Variants in MYLK2 observed in about 807,000 individuals in gnomAD.
The protein encoded by MYLK2 is myosin light chain kinase 2, skeletal/cardiac muscle.
MYLK2 carries 27 observed loss-of-function variants against 58.2 expected under a neutral mutation model. The ratio of observed to expected loss-of-function variants is 0.46; its 90% confidence interval spans 0.34 to 0.64. MYLK2 has a LOEUF of 0.64. Among genes scored for constraint, MYLK2 ranks in the 30% least tolerant of loss-of-function variants. MYLK2 has a pLI of 0.01. For synonymous variants in MYLK2, 310 were observed against 296.7 expected (o/e 1.04, Z -0.46); for missense variants, 676 against 764.3 (o/e 0.88, Z 1.36).
At chr20:31,829,393 G>C (rs1257239652) in intron 8 of MYLK2, among the ~76,000 whole-genome samples, 9 of 151,352 alleles carry the variant, frequency 5.9e-5, no homozygotes, top group African/African-American at 2.2e-4. Flanking sequence ...GGAAATTTGA[G>C]TCTGCTTCAT....
At chr20:31,826,193 A>G (rs1392773184) in intron 6 of MYLK2, among the ~76,000 whole-genome samples, 1 of 152,222 alleles carries the variant, frequency 6.6e-6, no homozygotes, top group Admixed American at 6.5e-5. Flanking sequence ...TCTATTAGAC[A>G]ACTAAGGCAA....
chr20:31,833,489 T>C (rs1176819059), intron 12 of MYLK2, among the ~76,000 whole-genome samples: 1 of 151,640 alleles, frequency 6.6e-6, no homozygotes, highest in Non-Finnish European at 1.5e-5. Flanking sequence ...GCCATGGGAG[T>C]GTTTGGAGCA....
At position 31,823,997 on chromosome 20, in the gene MYLK2, C is replaced by T. The variant is rs115124478; in HGVS notation, c.879-262C>T. The T allele has an allele frequency of 2.8e-3, 2,711 of 984,730 alleles. 50 individuals are homozygous for T. The African/African-American group carries it at 0.045, about 16-fold the overall frequency. 61.0% of individuals were successfully genotyped at this position (984,730 alleles called of 1,614,324 possible). A position where few individuals can be genotyped will look rare whatever the true frequency, so the allele number is the denominator to read the frequency against. On this transcript the variant is annotated intron_variant, in intron 5 of 12. Coordinates refer to ENST00000375985, the MANE Select transcript of MYLK2 (RefSeq NM_033118.4). Reference sequence around the variant, plus strand: ...GCCCTAAACCTCTAAGGGTCGCATCCCAGGGCCATCCTCCCTACACGCCTG... The same window carrying T: ...GCCCTAAACCTCTAAGGGTCGCATCTCAGGGCCATCCTCCCTACACGCCTG...
intron 11 of MYLK2, 49 bp downstream of exon 11, chr20:31,831,904 T>A: frequency 6.2e-7 from 1 of 1,613,810 alleles, no homozygotes; most frequent in Non-Finnish European, 8.5e-7. Context: ...GCTTAGTGTG[T>A]CTGAGTGCTG....
In MYLK2 at chr20:31,821,662, G is replaced by A; in HGVS notation, c.697G>A (p.Val233Ile). Residue 233 changes from valine (V) to isoleucine (I), a missense_variant, in exon 4 of 13, where the codon GTT becomes ATT. Physicochemically the swap from Val to Ile is conservative, Grantham distance 29 (BLOSUM62 3). Transcript: ENST00000375985. ...DTSRGIEFQAVPSEKSEVGQA... is the reference protein window; with the variant it reads ...DTSRGIEFQAIPSEKSEVGQA... ...CTCGAGGGGGATTGAGTTCCAGGCT[G>A]TTCCCTCAGAGAAATCCGAGGTGGG... 1 of 1,613,958 alleles carries A rather than the reference G, an allele frequency of 6.2e-7. No homozygotes were observed. Among genetic ancestry groups the A allele is most frequent in the Non-Finnish European group, 8.5e-7 (1 of 1,179,940 alleles).
Position 31,833,981 on chromosome 20 carries a change from C to T in MYLK2, c.*184C>T, listed in dbSNP as rs766437889. On this transcript the variant is annotated 3_prime_UTR_variant, in exon 13 of 13. Transcript: ENST00000375985. ...CAGTGACCGCTTCCCCGATGTGAGC[C>T]GCCTCGGAGTGTGGCCTGGATCCAT... The T allele has an allele frequency of 3.3e-6, 2 of 613,308 alleles. No individual in the cohort carries two copies. Among genetic ancestry groups the T allele is most frequent in the Non-Finnish European group, 5.8e-6 (2 of 346,540 alleles). The allele number at this position is 613,308 out of a possible 1,614,324, so 38.0% of individuals were successfully genotyped here. A position where few individuals can be genotyped will look rare whatever the true frequency, so the allele number is the denominator to read the frequency against.
In MYLK2 at chr20:31,831,875, C is replaced by T; in HGVS notation, c.1577+20C>T. The T allele has an allele frequency of 1.2e-6, 2 of 1,614,116 alleles. No individual in the cohort carries two copies. Among genetic ancestry groups the T allele is most frequent in the Admixed American group, 1.7e-5 (1 of 60,020 alleles). The stretch of plus-strand genomic sequence containing the variant: ...CCAGAGGTGAGGCTCACCCCAGAAC[C>T]TGAACTGTATGTGTGCAAGCTTAGT... On this transcript the variant is annotated intron_variant, in intron 11 of 12. Coordinates refer to ENST00000375985, the MANE Select transcript of MYLK2 (RefSeq NM_033118.4).
In MYLK2 at chr20:31,820,493, G is replaced by A. The variant is rs1555789909; in HGVS notation, c.420G>A (p.Arg140=). Residue 140 remains arginine, a synonymous_variant, in exon 3 of 13, where the codon AGG becomes AGA. Coordinates refer to ENST00000375985, the MANE Select transcript of MYLK2 (RefSeq NM_033118.4). ...CAGCAGAGGGCCAAGCAGCAGCCAG[G>A]AGGGGCTCACCTGCCTTTCTGCATA... ...KKAAEGQAAA[R]RGSPAFLHSP... The A allele has an allele frequency of 2.5e-6, 4 of 1,607,426 alleles. No homozygotes were observed. The highest frequency in any genetic ancestry group is 8.5e-7 in the Non-Finnish European group (1 of 1,179,984).
At chr20:31,831,945 T>C in intron 11 of MYLK2, 59 bp from the exon 12 acceptor site, 2 of 1,613,080 alleles carry the variant, frequency 1.2e-6, no homozygotes, top group Non-Finnish European at 1.7e-6. Flanking sequence ...AGAGGCCAGC[T>C]GAGCCCCTGG....
chr20:31,821,240 AATG>A (rs1261471768), intron 3 of MYLK2, among the ~76,000 whole-genome samples, 196 bp from the exon 4 acceptor site: 2 of 152,248 alleles, frequency 1.3e-5, no homozygotes, highest in African/African-American at 2.4e-5. Context: ...AATAGTTATT[AATG>A]ATGTATTAGT....
chr20:31,824,574 G>T, intron 6 of MYLK2: 1 of 985,100 alleles, frequency 1.0e-6, no homozygotes, highest in Non-Finnish European at 1.2e-6. Context: ...ACTTATCTGG[G>T]GACTTCCCTT....
chr20:31,824,487 C>A, intron 6 of MYLK2, 135 bp downstream of exon 6: 1 of 1,518,718 alleles, frequency 6.6e-7, no homozygotes, highest in Non-Finnish European at 8.8e-7. Flanking sequence ...AAATACTACA[C>A]AGATAGAGAG....
chr20:31,826,547 G>T (rs896081347), intron 6 of MYLK2, 58 bp from the exon 7 acceptor site: 88 of 1,609,830 alleles, frequency 5.5e-5, no homozygotes, highest in Non-Finnish European at 6.9e-5. Context: ...GGGTATGGAG[G>T]GTGGGTGGCA....
rs551614919 is a variant in MYLK2 at position 31,826,052 on chromosome 20, C to T, written c.973-553C>T. Among the ~76,000 whole-genome samples, 6 of 152,094 alleles carry T rather than the reference C, an allele frequency of 3.9e-5. No individual in the cohort carries two copies. The South Asian group carries it at 8.3e-4, about 21-fold the overall frequency. ...AGTAAGGGAAGAACTTAGGATGGCT[C>T]GTAACTTTTTGTCCTGCACCCTTGG... On this transcript the variant is annotated intron_variant, in intron 6 of 12. Coordinates refer to ENST00000375985, the MANE Select transcript of MYLK2 (RefSeq NM_033118.4).
At chr20:31,824,580 C>T in intron 6 of MYLK2, 1 of 984,814 alleles carries the variant, frequency 1.0e-6, no homozygotes, top group Non-Finnish European at 1.2e-6. Context: ...CTGGGGACTT[C>T]CCTTTTAGGC....
rs1568627599 is a variant in MYLK2 at position 31,821,327 on chromosome 20, AC to A, written c.474-111del. The A allele has an allele frequency of 4.6e-6, 6 of 1,292,408 alleles. No individual in the cohort carries two copies. The African/African-American group carries it at 7.3e-5, about 16-fold the overall frequency. The allele number at this position is 1,292,408 out of a possible 1,614,324, so 80.1% of individuals were successfully genotyped here. ...TGTACCAGGTGAATTTGGCTGTATT[AC>A]ACCATGCATTTGGGGTGGGGTTGGA... On this transcript the variant is annotated intron_variant, in intron 3 of 12. Transcript: ENST00000375985.
intron 4 of MYLK2, among the ~76,000 whole-genome samples, chr20:31,823,237 C>A (rs1555790073): frequency 6.6e-6 from 1 of 152,230 alleles, no homozygotes; most frequent in Non-Finnish European, 1.5e-5. Flanking sequence ...GTCCAAGCTC[C>A]CATCCCGTTT....
In MYLK2 at chr20:31,826,819, G is replaced by A. The variant is rs371807668; in HGVS notation, c.1105G>A (p.Glu369Lys). Residue 369 changes from glutamate (E) to lysine (K), a missense_variant, in exon 8 of 13, where the codon GAG becomes AAG. Physicochemically the swap from Glu to Lys is moderately conservative, Grantham distance 56 (BLOSUM62 1). Transcript: ENST00000375985. Reference sequence around the variant, plus strand: ...CAGCATCGAGGGCGGAGAGCTCTTCGAGAGGATTGTGGATGAGGACTACCA... The same window carrying A: ...CAGCATCGAGGGCGGAGAGCTCTTCAAGAGGATTGTGGATGAGGACTACCA... ...MEYIEGGELFERIVDEDYHLT... is the reference protein window; with the variant it reads ...MEYIEGGELFKRIVDEDYHLT... 75 of 1,614,018 alleles carry A rather than the reference G, an allele frequency of 4.6e-5. No homozygotes were observed. The highest frequency in any genetic ancestry group is 1.2e-4 in the African/African-American group (9 of 74,888).
intron 6 of MYLK2, among the ~76,000 whole-genome samples, chr20:31,826,021 C>T (rs1389452162): frequency 2.6e-5 from 4 of 151,932 alleles, no homozygotes; most frequent in Non-Finnish European, 4.4e-5. Flanking sequence ...GGTGTGAGGG[C>T]GCGAGAGTAA....
Sources: allele counts gnomAD v4.1 joint callset (sites outside exome capture counted in the v4.1 genomes callset), GRCh38; gene constraint gnomAD v4.1.1; transcripts MANE v1.5; gene names NCBI Gene and HGNC (gene_info 2026-07-23, HGNC 2026-07-21).